The following ZNF385D variants were observed in gnomAD, a reference collection of about 807,000 sequenced individuals.
ZNF385D encodes zinc finger protein 659.
ZNF385D carries 15 observed loss-of-function variants against 35.8 expected under a neutral mutation model. That is an observed-to-expected ratio of 0.42 (90% CI 0.28 to 0.64). The LOEUF is 0.64. Among genes scored for constraint, ZNF385D ranks in the 30% least tolerant of loss-of-function variants. The pLI, the probability that ZNF385D is intolerant of heterozygous loss-of-function variation, is 0.23. For missense variants in ZNF385D, 474 were observed against 494.6 expected, an observed-to-expected ratio of 0.96 and a Z score of 0.39; for synonymous variants, 212 against 186.8, an observed-to-expected ratio of 1.13 and a Z score of -1.10.
chr3:22,331,652 A>G (rs958993384), intron 2 of ZNF385D, among the ~76,000 whole-genome samples: 7 of 152,194 alleles, frequency 4.6e-5, no homozygotes, highest in Non-Finnish European at 8.8e-5. Flanking sequence ...AACTTTGTGC[A>G]GGCTGCTTTC....
chr3:21,810,348 C>A (rs535849237), intron 3 of ZNF385D, among the ~76,000 whole-genome samples: 1 of 147,752 alleles, frequency 6.8e-6, no homozygotes, highest in Non-Finnish European at 1.5e-5. Context: ...TTAAAAAAAA[C>A]TATACATGTG....
At chr3:21,580,813 A>ATATATGT (rs771060381) in intron 2 of ZNF385D, among the ~76,000 whole-genome samples, 19 of 152,008 alleles carry the variant, frequency 1.2e-4, no homozygotes, top group Non-Finnish European at 2.5e-4. Context: ...GTGTGTATAT[A>ATATATGT]TATATATGTA....
chr3:22,216,565 C>G (rs912160962), intron 2 of ZNF385D, among the ~76,000 whole-genome samples: 1 of 151,862 alleles, frequency 6.6e-6, no homozygotes, highest in Non-Finnish European at 1.5e-5. Context: ...ACAAGGAAAA[C>G]GTGGAGAAGA....
intron 3 of ZNF385D, among the ~76,000 whole-genome samples, chr3:21,878,925 T>C (rs1698124935): frequency 6.6e-6 from 1 of 152,062 alleles, no homozygotes; most frequent in Non-Finnish European, 1.5e-5. Flanking sequence ...TTTAGGTTCA[T>C]ACAAACCCTA....
intron 3 of ZNF385D, among the ~76,000 whole-genome samples, chr3:22,000,607 A>G (rs200242187): frequency 3.1e-4 from 46 of 146,492 alleles, no homozygotes; most frequent in Non-Finnish European, 3.7e-4. Flanking sequence ...TTTCACTTTG[A>G]AAAAAAAATC....
intron 3 of ZNF385D, among the ~76,000 whole-genome samples, chr3:21,907,135 G>C (rs750942895): frequency 2.0e-5 from 3 of 152,054 alleles, no homozygotes; most frequent in Non-Finnish European, 4.4e-5. Flanking sequence ...CTCTTCAATA[G>C]GCAGTCGGGC....
intron 2 of ZNF385D, among the ~76,000 whole-genome samples, chr3:22,273,269 T>C (rs531613565): frequency 3.3e-5 from 5 of 152,166 alleles, no homozygotes; most frequent in South Asian, 2.1e-4. Context: ...CTGTAACTAA[T>C]ACACATACAC....
chr3:22,071,257 T>C (rs1210477787), intron 3 of ZNF385D, among the ~76,000 whole-genome samples: 3 of 152,176 alleles, frequency 2.0e-5, no homozygotes, highest in Non-Finnish European at 2.9e-5. Flanking sequence ...CATTCTTCAG[T>C]ATCTCTATAT....
intron 2 of ZNF385D, among the ~76,000 whole-genome samples, chr3:21,655,955 CTTAG>C: frequency 6.6e-6 from 1 of 152,078 alleles, no homozygotes; most frequent in South Asian, 2.1e-4. Context: ...GTCTTTGTCA[CTTAG>C]TTGATGATCA....
intron 3 of ZNF385D, among the ~76,000 whole-genome samples, chr3:22,065,960 G>C (rs1699928591): frequency 6.6e-6 from 1 of 152,102 alleles, no homozygotes; most frequent in African/African-American, 2.4e-5. Flanking sequence ...CTGAGGCTCA[G>C]TTTTGACACT....
At chr3:21,765,720 C>CAGAGAGAGAG (rs2070800124) in intron 3 of ZNF385D, among the ~76,000 whole-genome samples, 1 of 139,030 alleles carries the variant, frequency 7.2e-6, no homozygotes, top group African/African-American at 2.5e-5. Context: ...CACATACACA[C>CAGAGAGAGAG]ACAGAGAGAG....
At chr3:21,913,837 T>A (rs1331445761) in intron 3 of ZNF385D, among the ~76,000 whole-genome samples, 1 of 152,096 alleles carries the variant, frequency 6.6e-6, no homozygotes, top group Non-Finnish European at 1.5e-5. Flanking sequence ...TGCCTCATAA[T>A]GATCCATCTG....
At chr3:22,259,461 A>G (rs1287331448) in intron 2 of ZNF385D, among the ~76,000 whole-genome samples, 1 of 151,924 alleles carries the variant, frequency 6.6e-6, no homozygotes, top group African/African-American at 2.4e-5. Context: ...AGTAGAATTG[A>G]CATTCTATGA....
intron 3 of ZNF385D, among the ~76,000 whole-genome samples, chr3:22,096,598 T>C (rs192662422): frequency 1.8e-4 from 27 of 152,144 alleles, no homozygotes; most frequent in African/African-American, 6.3e-4. Flanking sequence ...CCTCCTCTAT[T>C]TTCTGACCCC....
At chr3:22,207,880 T>C (rs146096129) in intron 2 of ZNF385D, among the ~76,000 whole-genome samples, 291 of 152,014 alleles carry the variant, frequency 1.9e-3, no homozygotes, top group African/African-American at 6.5e-3. Flanking sequence ...TACAATGAGA[T>C]GTCACCTCAC....
chr3:21,935,759 GAAACT>G (rs1701228529), intron 3 of ZNF385D, among the ~76,000 whole-genome samples: 1 of 148,274 alleles, frequency 6.7e-6, no homozygotes. Context: ...CACTGGACTT[GAAACT>G]AAACTTTACT....
At chr3:22,258,671 T>G (rs1208232544) in intron 2 of ZNF385D, among the ~76,000 whole-genome samples, 1 of 151,758 alleles carries the variant, frequency 6.6e-6, no homozygotes, top group African/African-American at 2.4e-5. Context: ...GCCCAAGAGA[T>G]TCTATTTATG....
chr3:21,462,999 A>G lies in ZNF385D; in HGVS notation c.440-25796T>C, dbSNP rs1024005263. On this transcript the variant is annotated intron_variant, in intron 4 of 7. Coordinates refer to ENST00000281523, the MANE Select transcript of ZNF385D (RefSeq NM_024697.3). ...ACTCTATCTCAAAAACAAACAAACA[A>G]ACAAACAAACAAAAAACCTAAAGAG... Among the ~76,000 whole-genome samples, 28 of 152,150 alleles carry G rather than the reference A, an allele frequency of 1.8e-4. 1 individual carries two copies. The highest frequency in any genetic ancestry group is 8.8e-5 in the Non-Finnish European group (6 of 68,020).
intron 3 of ZNF385D, among the ~76,000 whole-genome samples, chr3:22,084,744 A>G (rs922882888): frequency 3.2e-4 from 48 of 152,172 alleles, no homozygotes; most frequent in Non-Finnish European, 6.3e-4. Flanking sequence ...CATCTACAGA[A>G]CTCTCCACCC....
Sources: gnomAD v4.1 joint callset for allele counts (sites outside exome capture counted in the v4.1 genomes callset) on GRCh38, gnomAD v4.1.1 for gene constraint, MANE v1.5 for transcripts, NCBI Gene and HGNC (gene_info 2026-07-23, HGNC 2026-07-21) for gene names.